Variants in VRK2 observed in about 807,000 individuals in gnomAD.
VRK2 encodes VRK serine/threonine kinase 2.
Under a neutral mutation model 57.6 loss-of-function variants are expected in VRK2, and 60 were observed. The ratio of observed to expected loss-of-function variants is 1.04; its 90% CI spans 0.85 to 1.29. The LOEUF (loss-of-function observed/expected upper bound fraction) is 1.29, where lower values mean the gene tolerates loss of function less well. Ranked by LOEUF, VRK2 falls within the 50% of genes most tolerant of loss-of-function variation. VRK2 has a pLI of 0.00. For missense variants in VRK2, 705 were observed against 588.1 expected (o/e 1.20, Z -2.06); for synonymous variants, 231 against 199.2 (o/e 1.16, Z -1.35).
Position 58,084,101 on chromosome 2 carries a change from A to C in VRK2, c.149A>C (p.Asn50Thr), listed in dbSNP as rs1360116175. 1 of 1,606,384 alleles carries C rather than the reference A, an allele frequency of 6.2e-7. No individual in the cohort carries two copies. Among genetic ancestry groups the C allele is most frequent in the East Asian group, 2.2e-5 (1 of 44,684 alleles). ...TTTTTGTCTGCAGCTTTCCCCACAA[A>C]TAAACCAGAGAAAGATGCAAGACAT... ...FGLIYLAFPT[N>T]KPEKDARHVV... is the part of the protein sequence containing the mutation. Residue 50 changes from asparagine to threonine, a missense_variant, in exon 3 of 13, where the codon AAT becomes ACT. Coordinates refer to ENST00000340157, the MANE Select transcript of VRK2 (RefSeq NM_006296.7).
In VRK2 at chr2:58,081,857, C is replaced by CGTGTGTGT. The variant is rs369430200; in HGVS notation, c.137-2197_137-2190dup. On this transcript the variant is annotated intron_variant, in intron 2 of 12. Transcript: ENST00000340157. ...AGACAGCAAAAGCATATACCATGTC[C>CGTGTGTGT]GTGTGTGTGTGTGTGTGTGTGTGTG... is the stretch of plus-strand genomic sequence containing the variant. Among the ~76,000 whole-genome samples, 571 of 142,204 alleles carry CGTGTGTGT rather than the reference C, an allele frequency of 4.0e-3. 3 individuals carry two copies. Among genetic ancestry groups the CGTGTGTGT allele is most frequent in the African/African-American group, 9.6e-3 (376 of 39,320 alleles). The allele number at this position is 142,204 out of a possible 152,430, so 93.3% of individuals were successfully genotyped here.
rs774416910 is a variant in VRK2 at position 57,978,097 on chromosome 2, T to C, written c.-438-47568T>C. Among the ~76,000 whole-genome samples the C allele has an allele frequency of 2.6e-5, 4 of 151,258 alleles. 1 individual carries two copies. Among genetic ancestry groups the C allele is most frequent in the South Asian group, 2.1e-4 (1 of 4,834 alleles). On this transcript the variant is annotated intron_variant, in intron 1 of 15. Coordinates refer to the VRK2 transcript ENST00000417641. ...TGATCATAGTGAATTAGCTTTTTTT[T>C]CTACTTTAAGAGTATTGTTTAATAA...
rs543679040 is a variant in VRK2 at position 57,915,136 on chromosome 2, T to G, written c.-439+7297T>G. 5.9e-5 allele frequency among the ~76,000 whole-genome samples: 9 copies of G among 152,262 alleles called. No individual in the cohort carries two copies. The South Asian group carries it at 1.9e-3, about 32-fold the overall frequency. On this transcript the variant is annotated intron_variant, in intron 1 of 15. Transcript: ENST00000417641. ...AAATCATAGTTCTTTAAAAGTTCTA[T>G]CTCCGAATAGGAATAGTTACCTCAA...
chr2:58,120,179 C>CTTTTTTTTTTTTTTTTTTTTTTTT (rs1677207512), intron 7 of VRK2, among the ~76,000 whole-genome samples: 1 of 93,370 alleles, frequency 1.1e-5, no homozygotes. Context: ...ATTTTTTTTT[C>CTTTTTTTTTTTTTTTTTTTTTTTT]TTTTCTTTTT....
chr2:57,933,033 G>A (rs77245962), intron 1 of VRK2, among the ~76,000 whole-genome samples: 1 of 151,934 alleles, frequency 6.6e-6, no homozygotes, highest in African/African-American at 2.4e-5. Flanking sequence ...TTTTGGAAAA[G>A]ATCCTTGATA....
At chr2:58,055,241 G>A (rs1024764230) in intron 2 of VRK2, among the ~76,000 whole-genome samples, 2 of 152,166 alleles carry the variant, frequency 1.3e-5, no homozygotes, top group African/African-American at 4.8e-5. Context: ...TGGGCACAGT[G>A]CCAGGCTAGC....
intron 1 of VRK2, among the ~76,000 whole-genome samples, chr2:57,957,446 T>C (rs543395544): frequency 6.6e-6 from 1 of 151,922 alleles, no homozygotes; most frequent in South Asian, 2.1e-4. Context: ...ATCACCTAGA[T>C]TGGATAAGGC....
At chr2:57,908,408 A>G (rs1053603782) in intron 1 of VRK2, among the ~76,000 whole-genome samples, 1 of 152,212 alleles carries the variant, frequency 6.6e-6, no homozygotes, top group African/African-American at 2.4e-5. Flanking sequence ...TTTTAAGGAT[A>G]GTCACAATTT....
chr2:58,038,884 A>G (rs1572814465), intron 3 of VRK2, among the ~76,000 whole-genome samples: 2 of 152,168 alleles, frequency 1.3e-5, no homozygotes, highest in East Asian at 3.9e-4. Context: ...TGCTGATGAA[A>G]TAAGACTGAT....
At chr2:57,918,952 T>A (rs746168708) in intron 1 of VRK2, among the ~76,000 whole-genome samples, 5 of 152,156 alleles carry the variant, frequency 3.3e-5, no homozygotes, top group Non-Finnish European at 5.9e-5. Context: ...GGTATTGGCA[T>A]GACTAAAATA....
intron 1 of VRK2, among the ~76,000 whole-genome samples, chr2:57,980,000 T>C (rs1166025355): frequency 1.3e-5 from 2 of 152,186 alleles, no homozygotes; most frequent in Admixed American, 6.5e-5. Context: ...TTTGGTTTCA[T>C]TGACTTTTTC....
chr2:58,141,305 TA>T (rs1247374959), intron 11 of VRK2, among the ~76,000 whole-genome samples: 2 of 152,142 alleles, frequency 1.3e-5, no homozygotes, highest in South Asian at 2.1e-4. Context: ...GAAGCCATTT[TA>T]AAAACTGATA....
At chr2:58,048,714 T>G (rs1224421716) in intron 1 of VRK2, 113 bp from the exon 2 acceptor site, 1 of 1,501,168 alleles carries the variant, frequency 6.7e-7, no homozygotes, top group Admixed American at 2.3e-5. Context: ...AGAATCCTAA[T>G]TTCTGGGAAC....
chr2:58,106,084 T>C (rs1338375388), intron 7 of VRK2, among the ~76,000 whole-genome samples: 1 of 151,932 alleles, frequency 6.6e-6, no homozygotes, highest in African/African-American at 2.4e-5. Flanking sequence ...AATCCAGATT[T>C]CCCTCTTCCA....
At chr2:57,946,894 T>A (rs1246919916) in intron 1 of VRK2, among the ~76,000 whole-genome samples, 1 of 152,128 alleles carries the variant, frequency 6.6e-6, no homozygotes, top group Non-Finnish European at 1.5e-5. Flanking sequence ...CTGGCTATAC[T>A]GATCTATGAG....
chr2:58,102,692 C>A (rs180976938), intron 7 of VRK2, among the ~76,000 whole-genome samples: 91 of 151,582 alleles, frequency 6.0e-4, no homozygotes, highest in Non-Finnish European at 1.1e-3. Flanking sequence ...CCAGACAGAT[C>A]ATTGAGACAG....
At chr2:58,115,253 A>C (rs572650589) in intron 7 of VRK2, among the ~76,000 whole-genome samples, 1 of 152,156 alleles carries the variant, frequency 6.6e-6, no homozygotes, top group Non-Finnish European at 1.5e-5. Flanking sequence ...TGGATCAGAG[A>C]GATACAGTCA....
chr2:58,044,478 G>T (rs1211691078), upstream of VRK2, among the ~76,000 whole-genome samples: 2 of 152,188 alleles, frequency 1.3e-5, no homozygotes, highest in African/African-American at 4.8e-5. Flanking sequence ...CAAAAATGTT[G>T]CCTGACCTCA....
chr2:57,957,977 T>C (rs549319585), intron 1 of VRK2, among the ~76,000 whole-genome samples: 3 of 152,132 alleles, frequency 2.0e-5, no homozygotes, highest in Non-Finnish European at 4.4e-5. Context: ...TATAGCGAAG[T>C]TGAGGCAATG....
Sources: gnomAD v4.1 joint callset for allele counts (sites outside exome capture counted in the v4.1 genomes callset) on GRCh38, gnomAD v4.1.1 for gene constraint, MANE v1.5 for transcripts, NCBI Gene and HGNC (gene_info 2026-07-23, HGNC 2026-07-21) for gene names.